NAA11: variants seen among roughly 807,000 people sequenced by gnomAD.
The protein encoded by NAA11 is N-alpha-acetyltransferase 11.
In NAA11, 15 loss-of-function variants were observed where a neutral mutation model predicts 16.1. The observed-to-expected ratio is 0.93, with a 90% CI of 0.62 to 1.44. The LOEUF (loss-of-function observed/expected upper bound fraction) is 1.44, where lower values mean the gene tolerates loss of function less well. Ranked by LOEUF, NAA11 falls within the 40% of genes most tolerant of loss-of-function variation. The pLI is 0.00. For missense variants in NAA11, 298 were observed against 291.3 expected, an observed-to-expected ratio of 1.02 and a Z score of -0.17; for synonymous variants, 122 against 112.4, an observed-to-expected ratio of 1.09 and a Z score of -0.54.
chr4:79,234,625 T>C (rs1578154150), intron 2 of NAA11, among the ~76,000 whole-genome samples: 1 of 152,246 alleles, frequency 6.6e-6, no homozygotes, highest in Non-Finnish European at 1.5e-5. Context: ...CTGAGTGCCA[T>C]TATTAACAAT....
rs190279391 is a variant in NAA11, at chr4:79,254,536, T to C, written c.*123-28266A>G. ...AGATTCCCTGAGAGATAGTATAGAG[T>C]CTGAAATACATTGTGTTTTATGTTT... On this transcript the variant is annotated intron_variant and NMD_transcript_variant, in intron 2 of 2. Coordinates refer to the NAA11 transcript ENST00000511542. Among the ~76,000 whole-genome samples, 4 of 152,174 alleles carry C rather than the reference T, an allele frequency of 2.6e-5. No homozygotes were observed. In the East Asian group the frequency reaches 7.7e-4, roughly 29 times the overall value.
intron 2 of NAA11, among the ~76,000 whole-genome samples, chr4:79,276,534 G>A (rs901095690): frequency 6.6e-6 from 1 of 152,116 alleles, no homozygotes; most frequent in African/African-American, 2.4e-5. Flanking sequence ...GCATTCCTTG[G>A]AGACCTGAAG....
At position 79,325,652 on chromosome 4, in the gene NAA11, C is replaced by A; in HGVS notation, c.226G>T (p.Ala76Ser). 4 of 1,614,058 alleles carry A rather than the reference C, an allele frequency of 2.5e-6. No homozygotes were observed. The highest frequency in any genetic ancestry group is 3.4e-6 in the Non-Finnish European group (4 of 1,179,956). Residue 76 changes from alanine to serine, a missense_variant, in exon 1 of 2, where the codon GCC becomes TCC. Coordinates refer to ENST00000286794, the MANE Select transcript of NAA11 (RefSeq NM_032693.3). ...DVPHGHITSLAVKRSHRRLGL... is the reference protein window; with the variant it reads ...DVPHGHITSLSVKRSHRRLGL... ...AGGCGCCGGTGTGAACGCTTCACGG[C>A]CAGTGAGGTGATATGGCCATGCGGG... is the stretch of plus-strand genomic sequence containing the variant.
intron 1 of NAA11, among the ~76,000 whole-genome samples, chr4:79,323,370 T>C (rs571426645): frequency 1.2e-4 from 19 of 152,194 alleles, no homozygotes; most frequent in Admixed American, 5.2e-4. Context: ...AGTGGTTTCT[T>C]AGTATTAGCA....
At chr4:79,304,140 T>C (rs1278163800) in intron 1 of NAA11, among the ~76,000 whole-genome samples, 2 of 152,162 alleles carry the variant, frequency 1.3e-5, no homozygotes, top group African/African-American at 4.8e-5. Flanking sequence ...AAATTAGAAT[T>C]GAGAAGATCC....
the NAA11 span, among the ~76,000 whole-genome samples, chr4:79,203,000 A>G: frequency 6.6e-6 from 1 of 151,592 alleles, no homozygotes; most frequent in Non-Finnish European, 1.5e-5. Flanking sequence ...CTGTGAAAGT[A>G]TAATGCTGAT....
chr4:79,227,657 G>T (rs1273877490), intron 2 of NAA11: 1 of 151,944 alleles, frequency 6.6e-6, no homozygotes, highest in African/African-American at 2.4e-5. Flanking sequence ...GTAAAATCTG[G>T]TATAGAGATG....
chr4:79,184,021 C>A, the NAA11 span, among the ~76,000 whole-genome samples: 6 of 152,138 alleles, frequency 3.9e-5, no homozygotes, highest in Admixed American at 3.9e-4. Flanking sequence ...TCAGTGCTAT[C>A]TACATTTCTA....
chr4:79,181,907 A>G, the NAA11 span, among the ~76,000 whole-genome samples: 3 of 152,208 alleles, frequency 2.0e-5, no homozygotes, highest in African/African-American at 7.2e-5. Flanking sequence ...GTATAATTTT[A>G]CCACAAACTC....
At chr4:79,246,376 C>CAAAAAAAAAAAAAAAA (rs1560420199) in intron 2 of NAA11, among the ~76,000 whole-genome samples, 4 of 114,188 alleles carry the variant, frequency 3.5e-5, no homozygotes, top group East Asian at 2.3e-4. Flanking sequence ...TCAATAAATA[C>CAAAAAAAAAAAAAAAA]TAAAAAAAAA....
intron 2 of NAA11, among the ~76,000 whole-genome samples, chr4:79,236,622 A>C (rs962971417): frequency 1.3e-5 from 2 of 152,190 alleles, no homozygotes; most frequent in Non-Finnish European, 2.9e-5. Flanking sequence ...AATCTTAATT[A>C]TATCATTGCT....
intron 2 of NAA11, among the ~76,000 whole-genome samples, chr4:79,270,109 T>G (rs1479498079): frequency 1.3e-5 from 2 of 150,838 alleles, no homozygotes; most frequent in African/African-American, 4.9e-5. Context: ...TACTGTAGCC[T>G]TGTAGTAAAG....
At chr4:79,234,487 A>G (rs1721530064) in intron 2 of NAA11, among the ~76,000 whole-genome samples, 1 of 152,166 alleles carries the variant, frequency 6.6e-6, no homozygotes, top group Non-Finnish European at 1.5e-5. Flanking sequence ...GGTACTTTGC[A>G]GACAGTATAA....
intron 2 of NAA11, among the ~76,000 whole-genome samples, chr4:79,234,229 A>G (rs1418741581): frequency 6.6e-6 from 1 of 152,048 alleles, no homozygotes; most frequent in African/African-American, 2.4e-5. Context: ...GGGGCTTTTT[A>G]TTACCAATTA....
the NAA11 span, among the ~76,000 whole-genome samples, chr4:79,167,521 T>C: frequency 6.6e-6 from 1 of 151,972 alleles, no homozygotes; most frequent in Admixed American, 6.6e-5. Context: ...AGATGATGTT[T>C]CTGAAGTGCT....
intron 2 of NAA11, among the ~76,000 whole-genome samples, chr4:79,234,093 A>G (rs1721520940): frequency 6.6e-6 from 1 of 152,114 alleles, no homozygotes. Flanking sequence ...TTCTTCAAGA[A>G]CACTTTGCCA....
the NAA11 span, among the ~76,000 whole-genome samples, chr4:79,210,605 G>T: frequency 3.2e-4 from 48 of 152,074 alleles, no homozygotes; most frequent in African/African-American, 1.2e-3. Flanking sequence ...AAAAGGAGGG[G>T]TTAGCTTCCA....
chr4:79,175,220 A>G, the NAA11 span, among the ~76,000 whole-genome samples: 1 of 152,296 alleles, frequency 6.6e-6, no homozygotes, highest in East Asian at 1.9e-4. Flanking sequence ...ACCTTTTGGC[A>G]TCAGATAACT....
intron 2 of NAA11, among the ~76,000 whole-genome samples, chr4:79,228,689 T>G (rs954888161): frequency 6.6e-6 from 1 of 152,002 alleles, no homozygotes; most frequent in Non-Finnish European, 1.5e-5. Flanking sequence ...TATGGAGGTA[T>G]CACAGGTGTT....
Sources: allele counts gnomAD v4.1 joint callset (sites outside exome capture counted in the v4.1 genomes callset), GRCh38; gene constraint gnomAD v4.1.1; transcripts MANE v1.5; gene names NCBI Gene and HGNC (gene_info 2026-07-23, HGNC 2026-07-21).